Variants in ARHGEF10 observed in about 807,000 individuals in gnomAD.
The protein encoded by ARHGEF10 is Rho guanine nucleotide exchange factor 10, also known as Rho guanine nucleotide exchange factor (GEF) 10.
ARHGEF10 carries 140 observed loss-of-function variants against 147.4 expected under a neutral mutation model. The ratio of observed to expected loss-of-function variants is 0.95; its 90% CI spans 0.83 to 1.09. The LOEUF (loss-of-function observed/expected upper bound fraction) is 1.09. Among genes scored for constraint, ARHGEF10 ranks in the 50% least tolerant of loss-of-function variants. The pLI is 0.00. For missense variants in ARHGEF10, 2,222 were observed against 1,752.7 expected (o/e 1.27, Z -4.78); for synonymous variants, 902 against 695.8 (o/e 1.30, Z -4.67).
intron 26 of ARHGEF10, among the ~76,000 whole-genome samples, chr8:1,943,292 G>C (rs529338527): frequency 1.1e-3 from 175 of 152,316 alleles, no homozygotes; most frequent in Non-Finnish European, 2.2e-3. Flanking sequence ...ACAGAAGCCA[G>C]GAGAGACAGG....
intron 23 of ARHGEF10, 141 bp from the exon 24 acceptor site, chr8:1,928,286 G>C: frequency 2.5e-6 from 2 of 795,172 alleles, no homozygotes; most frequent in Non-Finnish European, 4.2e-6. Context: ...AATTGTTTAA[G>C]AATTTTTTTT....
At chr8:1,934,056 C>T (rs925636750) in intron 26 of ARHGEF10, 114 bp downstream of exon 26, 9 of 1,420,040 alleles carry the variant, frequency 6.3e-6, no homozygotes, top group South Asian at 3.6e-5. Context: ...TCCTTCTAGC[C>T]GGGCACAGTG....
intron 11 of ARHGEF10, among the ~76,000 whole-genome samples, chr8:1,887,068 A>G (rs901004040): frequency 1.3e-5 from 2 of 152,182 alleles, no homozygotes; most frequent in Non-Finnish European, 2.9e-5. Flanking sequence ...GAGGCGCTCA[A>G]TAGGATGACA....
intron 16 of ARHGEF10, 63 bp downstream of exon 16, chr8:1,903,514 C>T (rs780111599): frequency 3.5e-5 from 55 of 1,585,604 alleles, no homozygotes; most frequent in Non-Finnish European, 4.2e-5. Flanking sequence ...AATAAGCTGT[C>T]GTTGTCCAGC....
intron 1 of ARHGEF10, among the ~76,000 whole-genome samples, chr8:1,842,094 C>G (rs1169931821): frequency 1.3e-5 from 2 of 149,294 alleles, no homozygotes; most frequent in Non-Finnish European, 3.0e-5. Context: ...CGCGAGGCGC[C>G]GAACCACGAG....
chr8:1,843,015 C>T (rs1328914352), intron 1 of ARHGEF10, among the ~76,000 whole-genome samples: 1 of 152,234 alleles, frequency 6.6e-6, no homozygotes, highest in Admixed American at 6.5e-5. Flanking sequence ...ATGTTGACTT[C>T]TCCCTTTAGA....
intron 20 of ARHGEF10, 29 bp downstream of exon 20, chr8:1,923,624 C>T (rs747063857): frequency 6.2e-7 from 1 of 1,614,136 alleles, no homozygotes; most frequent in African/African-American, 1.3e-5. Flanking sequence ...ACGAAACCTT[C>T]TTGGCCAATG....
At chr8:1,831,275 G>C (rs1803083619) in intron 1 of ARHGEF10, among the ~76,000 whole-genome samples, 1 of 144,788 alleles carries the variant, frequency 6.9e-6, no homozygotes, top group African/African-American at 2.5e-5. Flanking sequence ...TGGAGGGACA[G>C]TGTGACGGCT....
intron 1 of ARHGEF10, among the ~76,000 whole-genome samples, chr8:1,827,512 G>T (rs112395731): frequency 3.3e-5 from 5 of 152,056 alleles, no homozygotes; most frequent in African/African-American, 1.2e-4. Context: ...TGCCATGTTG[G>T]CCAGGCTGGT....
At chr8:1,899,417 C>T (rs149345315) in intron 15 of ARHGEF10, among the ~76,000 whole-genome samples, 453 of 152,284 alleles carry the variant, frequency 3.0e-3, no homozygotes, top group Middle Eastern at 0.01. Flanking sequence ...TTATTAGAGC[C>T]GATTAAGATG....
At chr8:1,839,711 TGGTGTGGGGACTGTCC>T (rs1803848723) in intron 1 of ARHGEF10, among the ~76,000 whole-genome samples, 5 of 123,088 alleles carry the variant, frequency 4.1e-5, no homozygotes, top group Admixed American at 7.9e-5. Context: ...GGGGACTGTC[TGGTGTGGGGACTGTCC>T]GGTGTGGAAG....
At chr8:1,857,879 G>A (rs11268265) in intron 2 of ARHGEF10, 81 bp from the exon 3 acceptor site, 1 of 593,608 alleles carries the variant, frequency 1.7e-6, no homozygotes, top group Non-Finnish European at 2.8e-6. Flanking sequence ...TAGATCGATC[G>A]ATCTATCTAT....
chr8:1,869,560 A>G, intron 7 of ARHGEF10: 1 of 487,938 alleles, frequency 2.0e-6, no homozygotes, highest in East Asian at 3.8e-5. Context: ...TATATCGAAT[A>G]AATGACATCA....
intron 22 of ARHGEF10, 26 bp downstream of exon 22, chr8:1,925,430 C>G (rs530179037): frequency 6.2e-7 from 1 of 1,612,730 alleles, no homozygotes; most frequent in Non-Finnish European, 8.5e-7. Flanking sequence ...GCCCGCGGCC[C>G]GGGGTGGGAC....
chr8:1,855,668 G>T (rs886335843), intron 2 of ARHGEF10, among the ~76,000 whole-genome samples: 2 of 151,866 alleles, frequency 1.3e-5, no homozygotes, highest in East Asian at 3.9e-4. Context: ...GGGATTACAC[G>T]TGTGAGCCCC....
At chr8:1,951,138 T>G (rs1036195280) in intron 27 of ARHGEF10, among the ~76,000 whole-genome samples, 3 of 152,228 alleles carry the variant, frequency 2.0e-5, no homozygotes, top group Admixed American at 2.0e-4. Flanking sequence ...ACAATCATGT[T>G]TCATGCTTAA....
intron 25 of ARHGEF10, among the ~76,000 whole-genome samples, chr8:1,932,075 G>T (rs1011645211): frequency 6.6e-6 from 1 of 152,194 alleles, no homozygotes; most frequent in Non-Finnish European, 1.5e-5. Context: ...TGCATAGAGA[G>T]AGCTCTGACC....
rs758146131 is a variant in ARHGEF10 at position 1,923,449 on chromosome 8, G to GT, written c.2260-18dup. 21 of 1,614,080 alleles carry GT rather than the reference G, an allele frequency of 1.3e-5. No homozygotes were observed. The highest frequency in any genetic ancestry group is 1.6e-4 in the Middle Eastern group (1 of 6,062). The stretch of plus-strand genomic sequence containing the variant: ...GTTTTTAAACACTTTTGAAATGTGC[G>GT]TATTTATTTCCTTTGTAGAACTTAA... On this transcript the variant is annotated intron_variant, in intron 19 of 28. Transcript: ENST00000349830.
intron 6 of ARHGEF10, among the ~76,000 whole-genome samples, chr8:1,867,564 T>C (rs1379537323): frequency 3.3e-5 from 5 of 152,202 alleles, no homozygotes; most frequent in African/African-American, 9.7e-5. Flanking sequence ...CGGCTCCAGC[T>C]TCCGTACAAT....
Sources: gnomAD v4.1 joint callset for allele counts (sites outside exome capture counted in the v4.1 genomes callset) on GRCh38, gnomAD v4.1.1 for gene constraint, MANE v1.5 for transcripts, NCBI Gene and HGNC (gene_info 2026-07-23, HGNC 2026-07-21) for gene names.